SHANK2: variants seen among roughly 807,000 people sequenced by gnomAD.
The protein encoded by SHANK2 is SH3 and multiple ankyrin repeat domains protein 2.
A neutral mutation model predicts 133.7 loss-of-function variants in SHANK2; 43 were observed. That is an observed-to-expected ratio of 0.32 (90% CI 0.25 to 0.41). The LOEUF (loss-of-function observed/expected upper bound fraction) is 0.41. Ranked by LOEUF, SHANK2 falls within the 10% of genes least tolerant of loss-of-function variation. The probability of loss-of-function intolerance (pLI) is 1.00; values close to 1 mark genes in which losing one functional copy is unlikely to be tolerated. For missense variants in SHANK2, 1,994 were observed against 2,235.8 expected, an observed-to-expected ratio of 0.89 and a Z score of 2.18; for synonymous variants, 1,017 against 952.8, an observed-to-expected ratio of 1.07 and a Z score of -1.24.
rs782199312 is a variant in SHANK2 at position 70,798,545 on chromosome 11, C to T, written c.1675G>A (p.Gly559Ser). The change falls in exon 14 of 26, where the codon GGT (glycine) becomes AGT (serine). Residue 559 changes from glycine (G) to serine (S), a missense_variant. Physicochemically the swap from Gly to Ser is moderately conservative, Grantham distance 56. Around this residue, in one of 5 missense-constraint regions of SHANK2, gnomAD observed 653 missense variants for 563.4 expected, o/e 1.16. Transcript: ENST00000601538. ...RGDRVKVLSI[G>S]EGGFWEGSAR... is the part of the protein sequence containing the mutation. ...CTGCCTTCCCAGAAGCCCCCTTCAC[C>T]GATGCTCAGAACTAGAGACGACAAA... 10 of 718,490 alleles carry T rather than the reference C, an allele frequency of 1.4e-5. No individual in the cohort carries two copies. In the East Asian group the frequency reaches 2.1e-4, roughly 15 times the overall value. The allele number at this position is 718,490 out of a possible 1,614,324, so 44.5% of individuals were successfully genotyped here.
chr11:70,814,618 C>T (rs1948351493), intron 12 of SHANK2, among the ~76,000 whole-genome samples: 1 of 152,250 alleles, frequency 6.6e-6, no homozygotes, highest in Non-Finnish European at 1.5e-5. Context: ...GCCACTGGGC[C>T]AAAGACGGGC....
intron 11 of SHANK2, chr11:70,863,461 G>A (rs1555068310): frequency 1.3e-5 from 6 of 457,854 alleles, no homozygotes; most frequent in Non-Finnish European, 2.6e-5. Flanking sequence ...CCACGGCTAT[G>A]TGGTGGAAGA....
chr11:71,090,245 T>C (rs1475220887), intron 8 of SHANK2, among the ~76,000 whole-genome samples: 1 of 96,192 alleles, frequency 1.0e-5, no homozygotes, highest in Non-Finnish European at 2.0e-5. Flanking sequence ...GCCAGGGTTC[T>C]CCAGAGAAAC....
intron 15 of SHANK2, among the ~76,000 whole-genome samples, chr11:70,694,999 G>A (rs1945362511): frequency 6.6e-6 from 1 of 152,140 alleles, no homozygotes; most frequent in East Asian, 1.9e-4. Context: ...CCTCCCTCAG[G>A]CTAACCCTGC....
chr11:70,942,871 G>A, intron 10 of SHANK2: 1 of 456,680 alleles, frequency 2.2e-6, no homozygotes, highest in Non-Finnish European at 4.4e-6. Flanking sequence ...CCCTTTGCCT[G>A]TTCACTTACA....
At chr11:70,903,460 T>C (rs1950055158) in intron 10 of SHANK2, among the ~76,000 whole-genome samples, 1 of 151,782 alleles carries the variant, frequency 6.6e-6, no homozygotes, top group African/African-American at 2.4e-5. Flanking sequence ...TAAAATAGCA[T>C]TATCTTAGCC....
chr11:70,605,097 G>A (rs547486494), intron 17 of SHANK2, among the ~76,000 whole-genome samples: 19 of 152,376 alleles, frequency 1.2e-4, no homozygotes, highest in Non-Finnish European at 2.1e-4. Flanking sequence ...GGGAGGCTCT[G>A]AGAATCCTCA....
chr11:71,194,583 G>A (rs1953860327), intron 2 of SHANK2, among the ~76,000 whole-genome samples: 1 of 152,224 alleles, frequency 6.6e-6, no homozygotes, highest in Non-Finnish European at 1.5e-5. Context: ...CAGTGACCAA[G>A]GAAGTGGATG....
chr11:70,732,818 T>A (rs1450356611), intron 14 of SHANK2, among the ~76,000 whole-genome samples: 1 of 152,200 alleles, frequency 6.6e-6, no homozygotes, highest in Admixed American at 6.5e-5. Flanking sequence ...TGCAGCTGCT[T>A]CACATCCCCA....
intron 13 of SHANK2, among the ~76,000 whole-genome samples, chr11:70,799,935 C>T (rs892170704): frequency 2.0e-5 from 3 of 152,224 alleles, no homozygotes; most frequent in East Asian, 1.9e-4. Context: ...AGGAGGACCC[C>T]GCCGGTCCCC....
At chr11:70,532,942 C>T (rs140936773) in intron 17 of SHANK2, among the ~76,000 whole-genome samples, 96 of 152,314 alleles carry the variant, frequency 6.3e-4, no homozygotes, top group African/African-American at 2.1e-3. Context: ...AATGCTGACA[C>T]GTGTTCCAAC....
In SHANK2 at chr11:70,807,431, G is replaced by C. The variant is rs1421481740; in HGVS notation, c.1494-260C>G. ...CTCGGGGAGACGTCTGCACACCTGC[G>C]TTCACAGTGGCACCGTTCACAGCAG... On this transcript the variant is annotated intron_variant, in intron 12 of 25. Coordinates refer to ENST00000601538, the MANE Select transcript of SHANK2 (RefSeq NM_012309.5). The surrounding 1 kb of genome is among the most constrained non-coding windows in gnomAD (Gnocchi z 4.8). Among the ~76,000 whole-genome samples the C allele has an allele frequency of 6.6e-6, 1 of 152,190 alleles. No individual in the cohort carries two copies.
chr11:70,841,270 TA>T (rs561473833), intron 11 of SHANK2, among the ~76,000 whole-genome samples: 4 of 151,806 alleles, frequency 2.6e-5, no homozygotes, highest in Admixed American at 2.6e-4. Flanking sequence ...GACTCCGTCT[TA>T]AAAAAAATAG....
intron 10 of SHANK2, among the ~76,000 whole-genome samples, chr11:70,943,750 G>A (rs782387925): frequency 6.6e-6 from 1 of 152,188 alleles, no homozygotes; most frequent in African/African-American, 2.4e-5. Context: ...AACTTTTACA[G>A]CAACAATGTC....
At chr11:71,162,617 T>C (rs1378444872) in intron 2 of SHANK2, among the ~76,000 whole-genome samples, 2 of 152,186 alleles carry the variant, frequency 1.3e-5, no homozygotes, top group Non-Finnish European at 2.9e-5. Context: ...GAAATGTCAA[T>C]TGCAAAAGAA....
At chr11:70,583,840 G>A (rs782539682) in intron 17 of SHANK2, among the ~76,000 whole-genome samples, 1 of 152,166 alleles carries the variant, frequency 6.6e-6, no homozygotes, top group Non-Finnish European at 1.5e-5. Flanking sequence ...CGGGCTGCCC[G>A]CTCCTCACAG....
intron 9 of SHANK2, among the ~76,000 whole-genome samples, chr11:71,064,730 AG>A (rs2135943854): frequency 6.6e-6 from 1 of 152,156 alleles, no homozygotes; most frequent in East Asian, 1.9e-4. Flanking sequence ...GGAATGGACA[AG>A]TCCCGGGATG....
intron 14 of SHANK2, among the ~76,000 whole-genome samples, chr11:70,758,485 T>C (rs1264702457): frequency 6.6e-6 from 1 of 152,234 alleles, no homozygotes; most frequent in South Asian, 2.1e-4. Context: ...CCATTGTTCC[T>C]GCGCCAGCTA....
intron 13 of SHANK2, among the ~76,000 whole-genome samples, chr11:70,803,309 T>A (rs1246600344): frequency 1.1e-3 from 167 of 150,726 alleles, no homozygotes; most frequent in Admixed American, 4.0e-3. Flanking sequence ...CATCCATCCA[T>A]CTTCCAGCCT....
Sources: gnomAD v4.1 joint callset for allele counts (sites outside exome capture counted in the v4.1 genomes callset) on GRCh38, gnomAD v4.1.1 for gene constraint, gnomAD v4.1.1 regional missense constraint, Gnocchi (gnomAD v3.1) non-coding constraint, MANE v1.5 for transcripts, NCBI Gene and HGNC (gene_info 2026-07-23, HGNC 2026-07-21) for gene names.